ROCK1: variants seen among roughly 807,000 people sequenced by gnomAD.
The protein encoded by ROCK1 is rho-associated protein kinase 1.
ROCK1 carries 36 observed loss-of-function variants against 196.8 expected under a neutral mutation model. That is an observed-to-expected ratio of 0.18 (90% CI 0.14 to 0.24). The LOEUF (loss-of-function observed/expected upper bound fraction) is 0.24. Among genes scored for constraint, ROCK1 ranks in the 10% least tolerant of loss-of-function variants. The pLI is 1.00. For missense variants in ROCK1, 920 were observed against 1,562.0 expected (o/e 0.59, Z 6.93); for synonymous variants, 443 against 515.9 (o/e 0.86, Z 1.91).
At chr18:21,075,252 T>C (rs551244556) in intron 1 of ROCK1, among the ~76,000 whole-genome samples, 2 of 152,036 alleles carry the variant, frequency 1.3e-5, no homozygotes, top group Non-Finnish European at 2.9e-5. Flanking sequence ...CATAAAAGGA[T>C]AAAAGACTGA....
chr18:21,079,744 A>G (rs1290917032), intron 1 of ROCK1, among the ~76,000 whole-genome samples: 2 of 152,162 alleles, frequency 1.3e-5, no homozygotes, highest in Non-Finnish European at 2.9e-5. Flanking sequence ...GGTCGATTGT[A>G]CAGAACTTGT....
At chr18:21,040,558 T>C (rs990457367) in intron 8 of ROCK1, among the ~76,000 whole-genome samples, 1 of 152,228 alleles carries the variant, frequency 6.6e-6, no homozygotes, top group Non-Finnish European at 1.5e-5. Flanking sequence ...TTCTAAGTTT[T>C]TGCATAAGCT....
chr18:21,065,404 C>G (rs1248806933), intron 2 of ROCK1, among the ~76,000 whole-genome samples: 1 of 151,726 alleles, frequency 6.6e-6, no homozygotes, highest in African/African-American at 2.4e-5. Context: ...TGCATTTATA[C>G]CCGGAGGTTC....
intron 13 of ROCK1, among the ~76,000 whole-genome samples, chr18:21,010,279 G>T (rs1225161957): frequency 6.6e-6 from 1 of 152,082 alleles, no homozygotes; most frequent in African/African-American, 2.4e-5. Flanking sequence ...CCAGAAGTAG[G>T]AGTTTAAATT....
intron 13 of ROCK1, among the ~76,000 whole-genome samples, chr18:21,013,000 AT>A (rs1181954196): frequency 1.3e-5 from 2 of 151,872 alleles, no homozygotes; most frequent in Non-Finnish European, 2.9e-5. Flanking sequence ...TTCTGAGACT[AT>A]TTTTTTGCTT....
intron 1 of ROCK1, among the ~76,000 whole-genome samples, chr18:21,080,439 CAA>C (rs2036473273): frequency 6.6e-6 from 1 of 151,936 alleles, no homozygotes; most frequent in Admixed American, 6.5e-5. Context: ...AGAATGTCAA[CAA>C]AGAGAAAGAA....
intron 6 of ROCK1, among the ~76,000 whole-genome samples, chr18:21,043,264 T>C (rs968232970): frequency 1.3e-5 from 2 of 152,092 alleles, no homozygotes; most frequent in African/African-American, 4.8e-5. Flanking sequence ...TGGGGAAGCA[T>C]ATGTATGGGA....
chr18:21,100,663 T>C (rs1403184861), intron 1 of ROCK1, among the ~76,000 whole-genome samples: 2 of 152,044 alleles, frequency 1.3e-5, no homozygotes, highest in Admixed American at 6.5e-5. Context: ...ATATGGATCA[T>C]ATCAACAGGC....
At chr18:21,055,040 G>A (rs2036235413) in intron 2 of ROCK1, among the ~76,000 whole-genome samples, 1 of 151,918 alleles carries the variant, frequency 6.6e-6, no homozygotes, top group Admixed American at 6.6e-5. Context: ...TTCCTACCTA[G>A]CCAGCTTAAA....
chr18:20,950,575 T>TA lies in ROCK1; in HGVS notation c.*808dup, dbSNP rs1161200446. The TA allele has an allele frequency of 4.6e-5, 7 of 151,862 alleles. No individual in the cohort carries two copies. The highest frequency in any genetic ancestry group is 1.7e-4 in the African/African-American group (7 of 41,204). 9.4% of individuals were successfully genotyped at this position (151,862 alleles called of 1,614,324 possible). A position where few individuals can be genotyped will look rare whatever the true frequency, so the allele number is the denominator to read the frequency against. On this transcript the variant is annotated 3_prime_UTR_variant, in exon 33 of 33. Transcript: ENST00000399799. The stretch of plus-strand genomic sequence containing the variant: ...TTTATCATTTAAAACCACAAAGAAA[T>TA]ACATTATACAATTATAGAAATGATG...
At position 21,020,194 on chromosome 18, in the gene ROCK1, G is replaced by A; in HGVS notation, c.1318C>T (p.His440Tyr). 1 of 1,597,860 alleles carries A rather than the reference G, an allele frequency of 6.3e-7. No individual in the cohort carries two copies. Among genetic ancestry groups the A allele is most frequent in the African/African-American group, 1.3e-5 (1 of 74,308 alleles). ...TCATCTTTTAACTGCATTTCATTAT[G>A]CAGCTGTTCTTCCAGCTTATAGATT... Reference protein sequence around the residue: ...KTIYKLEEQLHNEMQLKDEME... With the variant: ...KTIYKLEEQLYNEMQLKDEME... The change falls in exon 12 of 33, where the codon CAT becomes TAT. Residue 440 changes from histidine (H) to tyrosine (Y), a missense_variant. This residue lies in a region of ROCK1 where 520 missense variants were observed against 657.1 expected (regional missense o/e 0.79). Coordinates refer to ENST00000399799, the MANE Select transcript of ROCK1 (RefSeq NM_005406.3).
At position 20,948,537 on chromosome 18, in the gene ROCK1, T is replaced by C. The variant is rs2035151600; in HGVS notation, c.*2847A>G. On this transcript the variant is annotated 3_prime_UTR_variant, in exon 33 of 33. Transcript: ENST00000399799. The stretch of plus-strand genomic sequence containing the variant: ...AGCTGAAACCCCAAATGACAGGTCA[T>C]GAGTGAACCTGTGAATAATGACAGT... 1.3e-5 allele frequency: 2 copies of C among 149,486 alleles called. No homozygotes were observed. Among genetic ancestry groups the C allele is most frequent in the South Asian group, 4.2e-4 (2 of 4,806 alleles). The allele number at this position is 149,486 out of a possible 1,614,324, so 9.3% of individuals were successfully genotyped here.
At chr18:21,064,623 G>A (rs962929813) in intron 2 of ROCK1, among the ~76,000 whole-genome samples, 1 of 152,202 alleles carries the variant, frequency 6.6e-6, no homozygotes, top group Non-Finnish European at 1.5e-5. Flanking sequence ...AAGAGAGAAT[G>A]ACTTGTAAAG....
rs200675525 is a variant in ROCK1, at chr18:21,006,401, G to C, written c.1835C>G (p.Ala612Gly). 2 of 1,613,312 alleles carry C rather than the reference G, an allele frequency of 1.2e-6. No homozygotes were observed. The highest frequency in any genetic ancestry group is 1.1e-5 in the South Asian group (1 of 91,074). The change falls in exon 16 of 33, where the codon GCT (alanine) becomes GGT (glycine). Residue 612 changes from alanine (A) to glycine (G), a missense_variant. Ala to Gly is a moderately conservative substitution (Grantham distance 60, BLOSUM62 0). Transcript: ENST00000399799. ...DYYQLQAILE[A>G]ERRDRGHDSE... ...ATCATGACCTCTGTCTCTTCGTTCAGCTTCTAATATAGCTTGCAGCTGGTA... is the reference window on the plus strand; with the variant it reads ...ATCATGACCTCTGTCTCTTCGTTCACCTTCTAATATAGCTTGCAGCTGGTA...
chr18:21,024,810 C>T (rs1226206171), intron 10 of ROCK1, among the ~76,000 whole-genome samples: 2 of 152,072 alleles, frequency 1.3e-5, no homozygotes, highest in African/African-American at 4.8e-5. Context: ...AACTTTAAGA[C>T]AATAATAGGG....
chr18:21,051,611 C>T (rs1339606274), intron 2 of ROCK1, among the ~76,000 whole-genome samples: 1 of 152,180 alleles, frequency 6.6e-6, no homozygotes, highest in African/African-American at 2.4e-5. Context: ...GGAGCTTGAA[C>T]TTTACCTATC....
At chr18:20,984,685 G>T (rs1403784485) in intron 19 of ROCK1, 150 bp from the exon 20 acceptor site, 1 of 583,072 alleles carries the variant, frequency 1.7e-6, no homozygotes, top group Non-Finnish European at 2.9e-6. Context: ...TGTTCCACGT[G>T]TTTATTACAG....
At chr18:21,071,073 T>C (rs937916147) in intron 1 of ROCK1, among the ~76,000 whole-genome samples, 6 of 152,118 alleles carry the variant, frequency 3.9e-5, no homozygotes, top group African/African-American at 1.4e-4. Flanking sequence ...TATACATTTT[T>C]AATTATAAAA....
chr18:21,077,039 TCTCGGCTCACTGCAAG>T (rs1271410174), intron 1 of ROCK1, among the ~76,000 whole-genome samples: 1 of 136,454 alleles, frequency 7.3e-6, no homozygotes, highest in Non-Finnish European at 1.5e-5. Flanking sequence ...AGTGGCGCAA[TCTCGGCTCACTGCAAG>T]CTCCGCTTCC....
Sources: gnomAD v4.1 joint callset for allele counts (sites outside exome capture counted in the v4.1 genomes callset) on GRCh38, gnomAD v4.1.1 for gene constraint, gnomAD v4.1.1 regional missense constraint, MANE v1.5 for transcripts, NCBI Gene and HGNC (gene_info 2026-07-23, HGNC 2026-07-21) for gene names.